ERAP1: variants seen among roughly 807,000 people sequenced by gnomAD.
ERAP1 encodes adipocyte-derived leucine aminopeptidase.
Under a neutral mutation model 103.7 loss-of-function variants are expected in ERAP1, and 86 were observed. That is an observed-to-expected ratio of 0.83 (90% CI 0.70 to 0.99). The LOEUF is 0.99. Among genes scored for constraint, ERAP1 ranks in the 50% least tolerant of loss-of-function variants. ERAP1 has a pLI of 0.00. For missense variants in ERAP1, 1,009 were observed against 1,128.4 expected, an observed-to-expected ratio of 0.89 and a Z score of 1.52; for synonymous variants, 398 against 402.4, an observed-to-expected ratio of 0.99 and a Z score of 0.13.
the ERAP1 span, among the ~76,000 whole-genome samples, chr5:96,884,692 G>C: frequency 6.6e-6 from 1 of 151,250 alleles, no homozygotes; most frequent in African/African-American, 2.4e-5. Context: ...CAAGTAGCTG[G>C]GATTACAGGC....
chr5:96,789,123 ACT>A (rs1776430332), intron 10 of ERAP1, among the ~76,000 whole-genome samples: 1 of 152,182 alleles, frequency 6.6e-6, no homozygotes. Context: ...GATGACCCAC[ACT>A]CAACAAATAG....
chr5:96,899,339 T>C, the ERAP1 span, among the ~76,000 whole-genome samples: 1 of 152,196 alleles, frequency 6.6e-6, no homozygotes, highest in African/African-American at 2.4e-5. Flanking sequence ...AACTCTCTTC[T>C]GACACCAAAG....
intron 6 of ERAP1, 40 bp from the exon 7 acceptor site, chr5:96,793,553 A>T (rs774990736): frequency 1.4e-6 from 2 of 1,462,944 alleles, no homozygotes; most frequent in South Asian, 2.3e-5. Context: ...GACACTCAGA[A>T]AGAAGTATAT....
At chr5:96,817,369 C>T in the ERAP1 span, among the ~76,000 whole-genome samples, 2,315 of 152,306 alleles carry the variant, frequency 0.015, 67 homozygotes, top group African/African-American at 0.053. Flanking sequence ...ATCTAATTCA[C>T]CTGCTCATCA....
the ERAP1 span, among the ~76,000 whole-genome samples, chr5:96,814,690 A>G: frequency 1.3e-5 from 2 of 152,232 alleles, no homozygotes; most frequent in Admixed American, 6.5e-5. Flanking sequence ...TTCAGGAGAA[A>G]GAAGGCAGCT....
the ERAP1 span, among the ~76,000 whole-genome samples, chr5:96,906,221 C>G: frequency 1.3e-5 from 2 of 151,762 alleles, no homozygotes; most frequent in Non-Finnish European, 2.9e-5. Context: ...CCTCCTCTTC[C>G]TTCTCCTCCT....
intron 18 of ERAP1, 23 bp from the exon 19 acceptor site, chr5:96,776,574 T>C: frequency 6.2e-7 from 1 of 1,611,318 alleles, no homozygotes; most frequent in Non-Finnish European, 8.5e-7. Flanking sequence ...AAGTGGGTTT[T>C]AAAAAATTAA....
At chr5:96,847,483 T>C in the ERAP1 span, among the ~76,000 whole-genome samples, 3 of 152,146 alleles carry the variant, frequency 2.0e-5, no homozygotes, top group Admixed American at 2.0e-4. Flanking sequence ...AGGTCTAACA[T>C]ATATATACAG....
the ERAP1 span, among the ~76,000 whole-genome samples, chr5:96,867,605 T>G: frequency 6.6e-6 from 1 of 152,128 alleles, no homozygotes; most frequent in Non-Finnish European, 1.5e-5. Context: ...TGCCAACAAG[T>G]CATCTCTACT....
intron 4 of ERAP1, among the ~76,000 whole-genome samples, chr5:96,796,809 T>C: frequency 6.6e-6 from 1 of 152,132 alleles, no homozygotes; most frequent in South Asian, 2.1e-4. Context: ...TCTTTGTTTG[T>C]TTGTTTAGAG....
At chr5:96,828,137 G>C in the ERAP1 span, among the ~76,000 whole-genome samples, 1 of 152,138 alleles carries the variant, frequency 6.6e-6, no homozygotes, top group Admixed American at 6.6e-5. Context: ...CAGAACCATT[G>C]AAAACGTAGA....
In ERAP1 at chr5:96,775,099, A is replaced by G. The variant is rs1057308902; in HGVS notation, c.*1297T>C. 5.1e-6 allele frequency: 5 copies of G among 985,452 alleles called. No homozygotes were observed. In the African/African-American group the frequency reaches 8.7e-5, roughly 17 times the overall value. 61.0% of individuals were successfully genotyped at this position (985,452 alleles called of 1,614,324 possible). A position where few individuals can be genotyped will look rare whatever the true frequency, so the allele number is the denominator to read the frequency against. ...GGGTTAGATAAGTCCCTGTGTAGCAAGTTTTCAGAATAAGAAATAAAATCT... is the reference window on the plus strand; with the variant it reads ...GGGTTAGATAAGTCCCTGTGTAGCAGGTTTTCAGAATAAGAAATAAAATCT... On this transcript the variant is annotated 3_prime_UTR_variant, in exon 19 of 19. Coordinates refer to ENST00000443439, the MANE Select transcript of ERAP1 (RefSeq NM_001040458.3).
chr5:96,811,704 G>A (rs1779168525), upstream of ERAP1, among the ~76,000 whole-genome samples: 1 of 152,224 alleles, frequency 6.6e-6, no homozygotes, highest in Admixed American at 6.5e-5. Flanking sequence ...GCCAGATTCT[G>A]TAGGAACAAC....
At chr5:96,778,446 A>G (rs55996659) in intron 18 of ERAP1, among the ~76,000 whole-genome samples, 13,805 of 152,216 alleles carry the variant, frequency 0.091, 825 homozygotes, top group Middle Eastern at 0.16. Flanking sequence ...CAGAGAGAAT[A>G]AAAAGTGCAG....
At chr5:96,903,926 A>G in the ERAP1 span, among the ~76,000 whole-genome samples, 1 of 152,208 alleles carries the variant, frequency 6.6e-6, no homozygotes, top group Non-Finnish European at 1.5e-5. Context: ...CAAGCACCAA[A>G]GTCCCAAATG....
Position 96,774,679 on chromosome 5 carries a change from T to TAA in ERAP1, c.*1715_*1716dup, listed in dbSNP as rs1484332003. On this transcript the variant is annotated 3_prime_UTR_variant, in exon 19 of 19. Transcript: ENST00000443439. The stretch of plus-strand genomic sequence containing the variant: ...ACAATTAAAGCAAAATATTTTACAT[T>TAA]AAAATCTTGGTTGTGTATTTTTTTA... 1 of 982,546 alleles carries TAA rather than the reference T, an allele frequency of 1.0e-6. No homozygotes were observed. The highest frequency in any genetic ancestry group is 1.1e-4 in the East Asian group (1 of 8,954). The allele number at this position is 982,546 out of a possible 1,614,324, so 60.9% of individuals were successfully genotyped here. A position where few individuals can be genotyped will look rare whatever the true frequency, so the allele number is the denominator to read the frequency against.
At chr5:96,796,823 T>G (rs545356217) in intron 4 of ERAP1, among the ~76,000 whole-genome samples, 1 of 152,150 alleles carries the variant, frequency 6.6e-6, no homozygotes, top group East Asian at 1.9e-4. Flanking sequence ...TTTAGAGACA[T>G]GGTTTTGCTC....
At chr5:96,922,646 T>C in the ERAP1 span, among the ~76,000 whole-genome samples, 1 of 152,302 alleles carries the variant, frequency 6.6e-6, no homozygotes, top group South Asian at 2.1e-4. Context: ...GCACAATCTA[T>C]GTGAACCAGA....
the ERAP1 span, among the ~76,000 whole-genome samples, chr5:96,854,981 C>G: frequency 5.3e-5 from 8 of 151,500 alleles, no homozygotes; most frequent in Admixed American, 2.0e-4. Context: ...GTTTTTCAAA[C>G]CACTAAATAA....
Sources: gnomAD v4.1 joint callset for allele counts (sites outside exome capture counted in the v4.1 genomes callset) on GRCh38, gnomAD v4.1.1 for gene constraint, MANE v1.5 for transcripts, NCBI Gene and HGNC (gene_info 2026-07-23, HGNC 2026-07-21) for gene names.